Variants in CSMD1 observed in about 807,000 individuals in gnomAD.
CSMD1 encodes CUB and sushi domain-containing protein 1.
CSMD1 carries 213 observed loss-of-function variants against 417.5 expected under a neutral mutation model. The observed-to-expected ratio is 0.51, with a 90% CI of 0.46 to 0.57. The LOEUF (loss-of-function observed/expected upper bound fraction) is 0.57. CSMD1 is among the 20% of genes least tolerant of loss of function. The pLI is 0.00. For missense variants in CSMD1, 6,923 were observed against 4,529.7 expected (o/e 1.53, Z -15.17); for synonymous variants, 2,862 against 1,736.8 (o/e 1.65, Z -16.11).
At chr8:3,744,357 A>T (rs1024822327) in intron 6 of CSMD1, among the ~76,000 whole-genome samples, 3 of 152,180 alleles carry the variant, frequency 2.0e-5, no homozygotes, top group Admixed American at 6.5e-5. Context: ...ACTGATTACT[A>T]AACAGGGCAC....
At chr8:3,559,536 G>A (rs1441176286) in intron 10 of CSMD1, among the ~76,000 whole-genome samples, 1 of 152,176 alleles carries the variant, frequency 6.6e-6, no homozygotes, top group African/African-American at 2.4e-5. Flanking sequence ...AAAAATGGAA[G>A]ATGATAAAGG....
At chr8:4,915,610 T>A (rs28595457) in intron 1 of CSMD1, among the ~76,000 whole-genome samples, 1 of 152,020 alleles carries the variant, frequency 6.6e-6, no homozygotes, top group Non-Finnish European at 1.5e-5. Flanking sequence ...TTGCATCCGA[T>A]TGAACTCTGG....
intron 1 of CSMD1, among the ~76,000 whole-genome samples, chr8:4,718,378 A>G (rs1409171477): frequency 6.6e-6 from 1 of 152,236 alleles, no homozygotes; most frequent in Non-Finnish European, 1.5e-5. Flanking sequence ...CATAAATTGG[A>G]GTCAACTTAA....
chr8:3,305,965 C>T (rs1249893189), intron 25 of CSMD1, among the ~76,000 whole-genome samples: 2 of 152,150 alleles, frequency 1.3e-5, no homozygotes, highest in Non-Finnish European at 2.9e-5. Context: ...CAGGCATGAG[C>T]CACTGCACCC....
chr8:4,559,497 G>T (rs934896170), intron 2 of CSMD1, among the ~76,000 whole-genome samples: 2 of 152,174 alleles, frequency 1.3e-5, no homozygotes, highest in African/African-American at 4.8e-5. Flanking sequence ...AATTCCTTTA[G>T]AAAGGTGAGA....
chr8:4,830,160 A>G (rs1021785782), intron 1 of CSMD1, among the ~76,000 whole-genome samples: 4 of 152,206 alleles, frequency 2.6e-5, no homozygotes, highest in Non-Finnish European at 5.9e-5. Flanking sequence ...ATCTGACAGT[A>G]CAAGAAGAGT....
intron 5 of CSMD1, among the ~76,000 whole-genome samples, chr8:3,844,305 G>A (rs1347470690): frequency 6.6e-6 from 1 of 152,152 alleles, no homozygotes; most frequent in African/African-American, 2.4e-5. Flanking sequence ...ATTAATAACA[G>A]CATTGGTGGA....
rs140466668 is a variant in CSMD1 at position 4,657,790 on chromosome 8, G to A, written c.86-20232C>T. ...TAGTAGAAAAAGACTTAAACCTACT[G>A]TTTAAAATACACCCAAATAGCTAAA... On this transcript the variant is annotated intron_variant, in intron 1 of 69. Transcript: ENST00000635120. Among the ~76,000 whole-genome samples the A allele has an allele frequency of 3.2e-4, 48 of 150,480 alleles. No individual in the cohort carries two copies. In the East Asian group the frequency reaches 8.5e-3, roughly 27 times the overall value.
At chr8:4,258,045 G>C (rs1015596574) in intron 3 of CSMD1, among the ~76,000 whole-genome samples, 1 of 151,842 alleles carries the variant, frequency 6.6e-6, no homozygotes, top group South Asian at 2.1e-4. Context: ...GAAGGGGGAA[G>C]CAATCCTCCC....
chr8:3,511,536 C>T (rs1174380192), intron 10 of CSMD1, among the ~76,000 whole-genome samples: 11 of 151,506 alleles, frequency 7.3e-5, no homozygotes, highest in African/African-American at 2.4e-4. Flanking sequence ...AGGTAGATCA[C>T]TTGAGGTCAG....
chr8:4,718,280 C>G (rs1421315982), intron 1 of CSMD1, among the ~76,000 whole-genome samples: 1 of 152,178 alleles, frequency 6.6e-6, no homozygotes, highest in African/African-American at 2.4e-5. Context: ...CTAAACCATA[C>G]AAATCTATCA....
intron 41 of CSMD1, among the ~76,000 whole-genome samples, chr8:3,132,411 C>T (rs1817838826): frequency 6.6e-6 from 1 of 151,762 alleles, no homozygotes; most frequent in Admixed American, 6.6e-5. Context: ...GAGACCTTCA[C>T]AAGTTATAAA....
At chr8:4,090,944 G>C (rs1800686662) in intron 3 of CSMD1, among the ~76,000 whole-genome samples, 1 of 150,856 alleles carries the variant, frequency 6.6e-6, no homozygotes, top group Admixed American at 6.6e-5. Context: ...TTTGAGATGG[G>C]GTCTTGGTCT....
At chr8:3,702,447 C>G (rs904420062) in intron 7 of CSMD1, among the ~76,000 whole-genome samples, 2 of 152,068 alleles carry the variant, frequency 1.3e-5, no homozygotes, top group African/African-American at 4.8e-5. Context: ...TTTAGTAATC[C>G]TCACATTGAG....
intron 52 of CSMD1, among the ~76,000 whole-genome samples, chr8:3,009,945 T>G (rs1272728928): frequency 1.3e-5 from 2 of 152,228 alleles, no homozygotes. Context: ...TGGACTGTCT[T>G]TGGGGCTTTC....
At chr8:3,142,389 G>T in intron 41 of CSMD1, 76 bp downstream of exon 41, 2 of 1,279,560 alleles carry the variant, frequency 1.6e-6, no homozygotes, top group Middle Eastern at 2.3e-4. Flanking sequence ...CAGTTAGGGA[G>T]ATTTATACTT....
intron 25 of CSMD1, 47 bp downstream of exon 25, chr8:3,307,648 G>A (rs758591578): frequency 5.1e-6 from 8 of 1,575,244 alleles, no homozygotes; most frequent in Admixed American, 1.7e-5. Context: ...AAGAATAGAA[G>A]GCATATCTCT....
At chr8:4,696,395 A>G (rs972786519) in intron 1 of CSMD1, among the ~76,000 whole-genome samples, 1 of 152,152 alleles carries the variant, frequency 6.6e-6, no homozygotes, top group Non-Finnish European at 1.5e-5. Flanking sequence ...AAGAATTTTA[A>G]CTCTTTATCA....
At chr8:4,515,561 G>A (rs893806554) in intron 2 of CSMD1, among the ~76,000 whole-genome samples, 1 of 152,206 alleles carries the variant, frequency 6.6e-6, no homozygotes, top group South Asian at 2.1e-4. Flanking sequence ...GATAAACCCA[G>A]TTAAATTCAA....
Sources: allele counts gnomAD v4.1 joint callset (sites outside exome capture counted in the v4.1 genomes callset), GRCh38; gene constraint gnomAD v4.1.1; transcripts MANE v1.5; gene names NCBI Gene and HGNC (gene_info 2026-07-23, HGNC 2026-07-21).